Variants in BOK observed in about 807,000 individuals in gnomAD.
The protein encoded by BOK is BCL2 family apoptosis regulator BOK, also known as bcl-2-related ovarian killer protein.
In BOK, 20 loss-of-function variants were observed where a neutral mutation model predicts 18.3. That is an observed-to-expected ratio of 1.09 (90% CI 0.77 to 1.59). BOK has a LOEUF of 1.59. Among genes scored for constraint, BOK ranks in the 40% most tolerant of loss-of-function variants. The pLI is 0.00. For synonymous variants in BOK, 173 were observed against 142.4 expected (o/e 1.21, Z -1.53); for missense variants, 348 against 307.9 (o/e 1.13, Z -0.97).
At chr2:241,564,794 G>A (rs1317269951) in intron 3 of BOK, among the ~76,000 whole-genome samples, 2 of 152,230 alleles carry the variant, frequency 1.3e-5, no homozygotes, top group South Asian at 2.1e-4. Flanking sequence ...GGCCACCCGG[G>A]TGTCTGTCTC....
intron 4 of BOK, 85 bp from the exon 5 acceptor site, chr2:241,572,212 G>C: frequency 6.4e-7 from 1 of 1,559,148 alleles, no homozygotes. Flanking sequence ...CTGATATTCT[G>C]GTGCACGGTG....
rs1256867314 is a variant in BOK at position 241,570,388 on chromosome 2, G to C, written c.513+100G>C. 5.7e-4 allele frequency: 558 copies of C among 976,470 alleles called. 2 individuals carry two copies. Among genetic ancestry groups the C allele is most frequent in the Non-Finnish European group, 7.2e-4 (504 of 697,752 alleles). 60.5% of individuals were successfully genotyped at this position (976,470 alleles called of 1,614,324 possible). A position where few individuals can be genotyped will look rare whatever the true frequency, so the allele number is the denominator to read the frequency against. The stretch of plus-strand genomic sequence containing the variant: ...TGGGTGAGCCTCTGAGCGCCTGGGG[G>C]GTGGGAGAGCTGGGGTGCGAGGGTA... On this transcript the variant is annotated intron_variant, in intron 4 of 4. Transcript: ENST00000318407.
chr2:241,553,932 C>A (rs1559196880), upstream of BOK, among the ~76,000 whole-genome samples: 2 of 152,228 alleles, frequency 1.3e-5, no homozygotes, highest in East Asian at 1.9e-4. Flanking sequence ...GACCTCCCTC[C>A]CCACTCCATG....
chr2:241,572,591 T>TG lies in BOK; in HGVS notation c.*173dup. 3 of 1,053,058 alleles carry TG rather than the reference T, an allele frequency of 2.8e-6. No homozygotes were observed. Among genetic ancestry groups the TG allele is most frequent in the Non-Finnish European group, 4.0e-6 (3 of 747,092 alleles). 65.2% of individuals were successfully genotyped at this position (1,053,058 alleles called of 1,614,324 possible). On this transcript the variant is annotated 3_prime_UTR_variant, in exon 5 of 5. Transcript: ENST00000318407. ...ACCCAGGCCCTCCGGAAGGGGTGAG[T>TG]GGGGAGGGGCTTTCCTGAGCCTGGA...
chr2:241,568,979 G>GGGGACCGCTGCTGACTCCCTCCA (rs2066661020), intron 3 of BOK, among the ~76,000 whole-genome samples: 1 of 150,480 alleles, frequency 6.6e-6, no homozygotes, highest in African/African-American at 2.5e-5. Context: ...GACTCCCTCC[G>GGGGACCGCTGCTGACTCCCTCCA]GGGACCGCTG....
In BOK at chr2:241,570,178, G is replaced by C; in HGVS notation, c.403G>C (p.Val135Leu). Residue 135 changes from valine (V) to leucine (L), a missense_variant, in exon 4 of 5, where the codon GTG (valine) becomes CTG (leucine). By Grantham distance (32) the Val-to-Leu change is conservative. Transcript: ENST00000318407. ...GTATGCGGTGGCCGCGGGGCTGGCC[G>C]TGGACTGTGTGAGGCAGGCCCAGCC... The part of the protein sequence containing the change: ...SLYAVAAGLA[V>L]DCVRQAQPAM... 1 of 1,610,230 alleles carries C rather than the reference G, an allele frequency of 6.2e-7. No individual in the cohort carries two copies. Among genetic ancestry groups the C allele is most frequent in the Non-Finnish European group, 8.5e-7 (1 of 1,179,050 alleles).
chr2:241,559,564 G>T lies in BOK; in HGVS notation c.81G>T (p.Leu27=). 1 of 1,528,352 alleles carries T rather than the reference G, an allele frequency of 6.5e-7. No individual in the cohort carries two copies. The highest frequency in any genetic ancestry group is 2.7e-5 in the East Asian group (1 of 37,474). 94.7% of individuals were successfully genotyped at this position (1,528,352 alleles called of 1,614,324 possible). Reference sequence around the variant, plus strand: ...ACCGCTCGCCCACAGACAAGGAGCTGGTGGCCCAGGCCAAGGCGCTGGGCC... The same window carrying T: ...ACCGCTCGCCCACAGACAAGGAGCTTGTGGCCCAGGCCAAGGCGCTGGGCC... ...AFDRSPTDKE[L]VAQAKALGRE... is the part of the protein sequence containing the mutation. The change falls in exon 2 of 5, where the codon CTG becomes CTT. Residue 27 remains leucine, a synonymous_variant. Coordinates refer to ENST00000318407, the MANE Select transcript of BOK (RefSeq NM_032515.5).
intron 3 of BOK, among the ~76,000 whole-genome samples, chr2:241,565,733 G>A (rs896761318): frequency 6.6e-6 from 1 of 152,184 alleles, no homozygotes; most frequent in African/African-American, 2.4e-5. Flanking sequence ...CTCCGTGGGG[G>A]TCTCCAAGTC....
At chr2:241,568,594 T>G (rs2066654293) in intron 3 of BOK, among the ~76,000 whole-genome samples, 1 of 152,030 alleles carries the variant, frequency 6.6e-6, no homozygotes, top group African/African-American at 2.4e-5. Flanking sequence ...ATTTTTGTAT[T>G]TTTAGTAGAG....
At chr2:241,570,335 G>A in intron 4 of BOK, 47 bp downstream of exon 4, 1 of 1,527,104 alleles carries the variant, frequency 6.5e-7, no homozygotes, top group Non-Finnish European at 8.8e-7. Flanking sequence ...GGGTGCGAGG[G>A]TGCAGAGGTA....
chr2:241,572,086 C>G (rs2066733129), intron 4 of BOK, among the ~76,000 whole-genome samples: 1 of 152,252 alleles, frequency 6.6e-6, no homozygotes, highest in African/African-American at 2.4e-5. Flanking sequence ...TGCCTCCTGG[C>G]CCTTCACACT....
chr2:241,571,664 A>G (rs1471821456), intron 4 of BOK, among the ~76,000 whole-genome samples: 2 of 152,186 alleles, frequency 1.3e-5, no homozygotes, highest in East Asian at 3.9e-4. Flanking sequence ...CCAGTGGGCG[A>G]CGACACTTTG....
At chr2:241,565,695 T>G (rs1190621240) in intron 3 of BOK, among the ~76,000 whole-genome samples, 4 of 152,094 alleles carry the variant, frequency 2.6e-5, no homozygotes, top group African/African-American at 9.7e-5. Context: ...GCTAGTGTTG[T>G]GAGCCGTGTG....
At chr2:241,568,261 C>T (rs572552416) in intron 3 of BOK, among the ~76,000 whole-genome samples, 26 of 152,266 alleles carry the variant, frequency 1.7e-4, no homozygotes, top group African/African-American at 4.8e-4. Context: ...GCTGGGACTA[C>T]AGGCACCAGC....
intron 3 of BOK, among the ~76,000 whole-genome samples, chr2:241,566,925 GT>G (rs1390148860): frequency 7.5e-6 from 1 of 134,100 alleles, no homozygotes; most frequent in African/African-American, 2.9e-5. Context: ...TTAGATAGAG[GT>G]GATGGTTGCA....
intron 2 of BOK, chr2:241,560,383 G>T (rs1442710937): frequency 1.3e-6 from 1 of 787,356 alleles, no homozygotes; most frequent in Non-Finnish European, 1.5e-6. Context: ...CACATGGGGC[G>T]CCTGTGGCTG....
rs937697251 is a variant in BOK at position 241,572,352 on chromosome 2, T to C, written c.569T>C (p.Leu190Pro). 6.2e-7 allele frequency: 1 copy of C among 1,609,856 alleles called. No homozygotes were observed. The highest frequency in any genetic ancestry group is 1.1e-5 in the South Asian group (1 of 90,860). ...STDPGLRSHW[L>P]VAALCSFGRF... is the part of the protein sequence containing the mutation. ...GACCCTGGCCTCCGCTCCCACTGGC[T>C]GGTGGCTGCACTCTGCAGCTTCGGC... Residue 190 changes from leucine to proline, a missense_variant, in exon 5 of 5, where the codon CTG (leucine) becomes CCG (proline). Leu to Pro is a moderately conservative substitution (Grantham distance 98, BLOSUM62 -3). Coordinates refer to ENST00000318407, the MANE Select transcript of BOK (RefSeq NM_032515.5).
intron 4 of BOK, among the ~76,000 whole-genome samples, chr2:241,571,752 T>C (rs886741477): frequency 1.3e-5 from 2 of 152,216 alleles, no homozygotes; most frequent in Non-Finnish European, 2.9e-5. Context: ...AATAAGAGAA[T>C]TGGACGTTCA....
chr2:241,565,123 A>C (rs891424951), intron 3 of BOK, among the ~76,000 whole-genome samples: 2 of 152,098 alleles, frequency 1.3e-5, no homozygotes, highest in Non-Finnish European at 2.9e-5. Flanking sequence ...CTATGTGTAG[A>C]GTTCAGTTTA....
Sources: gnomAD v4.1 joint callset for allele counts (sites outside exome capture counted in the v4.1 genomes callset) on GRCh38, gnomAD v4.1.1 for gene constraint, MANE v1.5 for transcripts, NCBI Gene and HGNC (gene_info 2026-07-23, HGNC 2026-07-21) for gene names.